Variants in GLT1D1 observed in about 807,000 individuals in gnomAD.
The protein encoded by GLT1D1 is glycosyltransferase 1 domain-containing protein 1.
In GLT1D1, 21 loss-of-function variants were observed where a neutral mutation model predicts 28.7. The ratio of observed to expected loss-of-function variants is 0.73; its 90% CI spans 0.52 to 1.05. The LOEUF is 1.05. Ranked by LOEUF, GLT1D1 falls within the 50% of genes least tolerant of loss-of-function variation. GLT1D1 has a pLI of 0.00. For missense variants in GLT1D1, 343 were observed against 330.6 expected, an observed-to-expected ratio of 1.04 and a Z score of -0.29; for synonymous variants, 147 against 124.8, an observed-to-expected ratio of 1.18 and a Z score of -1.19.
chr12:128,887,418 T>C (rs1868518269), intron 2 of GLT1D1, among the ~76,000 whole-genome samples: 2 of 152,122 alleles, frequency 1.3e-5, no homozygotes, highest in South Asian at 2.1e-4. Flanking sequence ...AATGTGTGTT[T>C]ATGGCTTTTG....
At chr12:128,906,004 T>A (rs1344865651) in intron 4 of GLT1D1, among the ~76,000 whole-genome samples, 3 of 132,474 alleles carry the variant, frequency 2.3e-5, no homozygotes, top group Non-Finnish European at 5.1e-5. Context: ...GGCTGAAATT[T>A]TGACTTTTTT....
At chr12:128,918,132 A>C (rs754709349) in intron 4 of GLT1D1, among the ~76,000 whole-genome samples, 6 of 152,244 alleles carry the variant, frequency 3.9e-5, no homozygotes, top group Non-Finnish European at 7.3e-5. Context: ...GCAGCCATAA[A>C]AACGAACAAG....
intron 7 of GLT1D1, among the ~76,000 whole-genome samples, chr12:128,973,346 C>CTTTT (rs1352874492): frequency 3.3e-5 from 3 of 92,012 alleles, no homozygotes; most frequent in South Asian, 3.5e-4. Context: ...CCACACCTGG[C>CTTTT]TATTTTTTTT....
At chr12:128,876,899 C>T (rs1406011762) in intron 2 of GLT1D1, among the ~76,000 whole-genome samples, 1 of 152,186 alleles carries the variant, frequency 6.6e-6, no homozygotes, top group Admixed American at 6.5e-5. Flanking sequence ...AAATGATTTA[C>T]GTCTCTCCCT....
At chr12:128,858,741 A>G (rs189700367) in intron 1 of GLT1D1, among the ~76,000 whole-genome samples, 20 of 152,114 alleles carry the variant, frequency 1.3e-4, no homozygotes, top group African/African-American at 4.3e-4. Context: ...TCCTGAAGAG[A>G]TTAACTAAAA....
chr12:128,969,711 T>C (rs944249647), intron 7 of GLT1D1, among the ~76,000 whole-genome samples: 9 of 152,104 alleles, frequency 5.9e-5, no homozygotes, highest in Non-Finnish European at 1.3e-4. Flanking sequence ...TCTCTGAAAA[T>C]ACAGAGAGGG....
In GLT1D1 at chr12:128,862,446, C is replaced by T. The variant is rs568446380; in HGVS notation, c.68+8797C>T. On this transcript the variant is annotated intron_variant, in intron 1 of 7. Transcript: ENST00000281703. ...TGAGGCAGGCAGATTGCTTGAGTTCCGAAGTTTGAGACCAGCCTGGGCTAC... is the reference window on the plus strand; with the variant it reads ...TGAGGCAGGCAGATTGCTTGAGTTCTGAAGTTTGAGACCAGCCTGGGCTAC... 3.3e-5 allele frequency among the ~76,000 whole-genome samples: 5 copies of T among 150,046 alleles called. No individual in the cohort carries two copies. The East Asian group carries it at 7.9e-4, about 24-fold the overall frequency.
At chr12:128,909,296 C>T (rs964904287) in intron 4 of GLT1D1, among the ~76,000 whole-genome samples, 4 of 151,720 alleles carry the variant, frequency 2.6e-5, no homozygotes, top group African/African-American at 9.7e-5. Flanking sequence ...GCTGAATCTC[C>T]CCACACCTCG....
At chr12:128,974,273 G>A (rs1237721234) in intron 7 of GLT1D1, among the ~76,000 whole-genome samples, 1 of 152,082 alleles carries the variant, frequency 6.6e-6, no homozygotes, top group South Asian at 2.1e-4. Flanking sequence ...TTGTTCACAC[G>A]GACATCTACG....
chr12:128,883,407 C>A (rs983110112), intron 2 of GLT1D1, among the ~76,000 whole-genome samples: 2 of 149,950 alleles, frequency 1.3e-5, no homozygotes, highest in African/African-American at 2.4e-5. Flanking sequence ...CTGGCCAACA[C>A]GGTGAAACCC....
At chr12:128,856,000 T>C (rs1314658726) in intron 1 of GLT1D1, among the ~76,000 whole-genome samples, 3 of 152,242 alleles carry the variant, frequency 2.0e-5, no homozygotes, top group African/African-American at 7.2e-5. Context: ...GATCCTTTGG[T>C]CTTGGCCTCC....
chr12:128,896,595 T>G (rs1196163431), intron 3 of GLT1D1, among the ~76,000 whole-genome samples: 1 of 148,324 alleles, frequency 6.7e-6, no homozygotes, highest in Non-Finnish European at 1.5e-5. Flanking sequence ...TTTTTTTTTT[T>G]TTTGAGACAG....
In GLT1D1 at chr12:128,982,913, CCTT is replaced by C; in HGVS notation, c.640-14_640-12del. ...TCATCAGTGATTTATGTCTACTTCT[CCTT>C]CCTTTTTTGCAGGAGTTTGTTCATC... On this transcript the variant is annotated splice_polypyrimidine_tract_variant and intron_variant, in intron 7 of 7. Coordinates refer to ENST00000281703, the MANE Select transcript of GLT1D1 (RefSeq NM_144669.3). 6.2e-7 allele frequency: 1 copy of C among 1,613,094 alleles called. No homozygotes were observed. Among genetic ancestry groups the C allele is most frequent in the Non-Finnish European group, 8.5e-7 (1 of 1,179,136 alleles).
chr12:128,855,009 T>G (rs1956179687), intron 1 of GLT1D1, among the ~76,000 whole-genome samples: 1 of 152,044 alleles, frequency 6.6e-6, no homozygotes, highest in Non-Finnish European at 1.5e-5. Context: ...AGGAGCCCTT[T>G]GTGTTCCTGG....
chr12:128,915,068 C>G, intron 4 of GLT1D1, 79 bp downstream of exon 6: 1 of 1,182,996 alleles, frequency 8.5e-7, no homozygotes, highest in Non-Finnish European at 1.2e-6. Context: ...GACGTTCATG[C>G]GGTTTTGAAA....
intron 6 of GLT1D1, among the ~76,000 whole-genome samples, chr12:128,956,812 T>C (rs1160324355): frequency 6.6e-6 from 1 of 152,266 alleles, no homozygotes; most frequent in African/African-American, 2.4e-5. Context: ...ATCATTATTC[T>C]TTTTGAAGTT....
intron 3 of GLT1D1, among the ~76,000 whole-genome samples, chr12:128,889,356 C>T (rs779616942): frequency 6.6e-6 from 1 of 152,118 alleles, no homozygotes; most frequent in Non-Finnish European, 1.5e-5. Context: ...TTGGGTATGG[C>T]CCTCTAGCTG....
chr12:128,855,233 A>AAC (rs1269999910), intron 1 of GLT1D1, among the ~76,000 whole-genome samples: 22 of 147,002 alleles, frequency 1.5e-4, no homozygotes, highest in Non-Finnish European at 2.1e-4. Context: ...TAAAAAAAAA[A>AAC]AAAAAAAAAA....
At chr12:128,925,155 T>C (rs1873074435) in intron 4 of GLT1D1, among the ~76,000 whole-genome samples, 1 of 152,308 alleles carries the variant, frequency 6.6e-6, no homozygotes. Flanking sequence ...TATATACCTA[T>C]GGACATGTGT....
Sources: allele counts gnomAD v4.1 joint callset (sites outside exome capture counted in the v4.1 genomes callset), GRCh38; gene constraint gnomAD v4.1.1; transcripts MANE v1.5; gene names NCBI Gene and HGNC (gene_info 2026-07-23, HGNC 2026-07-21).